Variants in MAML3 observed in about 807,000 individuals in gnomAD.
The protein encoded by MAML3 is mastermind-like protein 3.
MAML3 carries 27 observed loss-of-function variants against 101.9 expected under a neutral mutation model. The ratio of observed to expected loss-of-function variants is 0.27; its 90% confidence interval spans 0.20 to 0.37. MAML3 has a LOEUF of 0.37. Ranked by LOEUF, MAML3 falls within the 10% of genes least tolerant of loss-of-function variation. The pLI is 1.00. For missense variants in MAML3, 1,316 were observed against 1,444.9 expected, an observed-to-expected ratio of 0.91 and a Z score of 1.45; for synonymous variants, 501 against 555.9, an observed-to-expected ratio of 0.90 and a Z score of 1.39.
chr4:139,730,850 T>C (rs1282613301), intron 2 of MAML3, 183 bp from the exon 3 acceptor site: 1 of 610,408 alleles, frequency 1.6e-6, no homozygotes, highest in East Asian at 2.8e-5. Flanking sequence ...CTGAGTAGAA[T>C]GAGAGAGGCC....
At chr4:139,938,004 T>C (rs1035069022) in intron 1 of MAML3, among the ~76,000 whole-genome samples, 1 of 152,222 alleles carries the variant, frequency 6.6e-6, no homozygotes, top group African/African-American at 2.4e-5. Context: ...AGTGGCTGTC[T>C]GCAAGGTAAA....
At chr4:140,104,378 TA>T (rs1307926818) in intron 1 of MAML3, among the ~76,000 whole-genome samples, 1 of 90,434 alleles carries the variant, frequency 1.1e-5, no homozygotes, top group African/African-American at 4.2e-5. Flanking sequence ...ATATATATAA[TA>T]TATATATATT....
chr4:139,945,517 C>A (rs1292247280), intron 1 of MAML3, among the ~76,000 whole-genome samples: 1 of 152,146 alleles, frequency 6.6e-6, no homozygotes, highest in Non-Finnish European at 1.5e-5. Flanking sequence ...GAAAACCAAA[C>A]CACAGACAAG....
At chr4:139,896,791 G>A (rs183471064) in intron 1 of MAML3, among the ~76,000 whole-genome samples, 67 of 152,294 alleles carry the variant, frequency 4.4e-4, no homozygotes, top group African/African-American at 1.4e-3. Context: ...CTTTCACACA[G>A]AATCATATTT....
intron 2 of MAML3, among the ~76,000 whole-genome samples, chr4:139,888,094 C>A (rs1732378618): frequency 6.6e-6 from 1 of 152,004 alleles, no homozygotes; most frequent in Non-Finnish European, 1.5e-5. Context: ...AGGCTGAGGA[C>A]AAGAATGAAG....
chr4:139,913,923 C>T (rs1033442087), intron 1 of MAML3, among the ~76,000 whole-genome samples: 1 of 152,154 alleles, frequency 6.6e-6, no homozygotes, highest in Non-Finnish European at 1.5e-5. Context: ...TAAAATTCAC[C>T]TTCATCCTAG....
At chr4:139,940,548 A>C (rs1733581507) in intron 1 of MAML3, among the ~76,000 whole-genome samples, 1 of 152,226 alleles carries the variant, frequency 6.6e-6, no homozygotes, top group Non-Finnish European at 1.5e-5. Flanking sequence ...GAAGGCATTC[A>C]ATAAACAGTA....
chr4:140,000,696 G>A lies in MAML3; in HGVS notation c.469-109729C>T, dbSNP rs938676250. Among the ~76,000 whole-genome samples, 3 of 152,268 alleles carry A rather than the reference G, an allele frequency of 2.0e-5. No homozygotes were observed. The East Asian group carries it at 5.8e-4, about 29-fold the overall frequency. On this transcript the variant is annotated intron_variant, in intron 1 of 4. Transcript: ENST00000509479. ...AAGATTGGCTCAATGATCTAGCTGT[G>A]TTAATAACACCCTCAATTGAAAAAG...
At chr4:140,048,033 G>A (rs1225911333) in intron 1 of MAML3, among the ~76,000 whole-genome samples, 2 of 152,036 alleles carry the variant, frequency 1.3e-5, no homozygotes, top group East Asian at 3.9e-4. Context: ...TCCTTTAAAT[G>A]TCCCTTTACG....
At chr4:140,117,244 A>G (rs1728531309) in intron 1 of MAML3, among the ~76,000 whole-genome samples, 1 of 152,100 alleles carries the variant, frequency 6.6e-6, no homozygotes, top group South Asian at 2.1e-4. Context: ...TGGGGTTCCT[A>G]ATTATATTGA....
chr4:139,923,153 C>T (rs2111236414), intron 1 of MAML3, among the ~76,000 whole-genome samples: 1 of 152,226 alleles, frequency 6.6e-6, no homozygotes, highest in African/African-American at 2.4e-5. Context: ...GGCCTTGTAC[C>T]CTAGACTTGA....
At position 139,911,968 on chromosome 4, in the gene MAML3, T is replaced by C. The variant is rs182425281; in HGVS notation, c.469-21001A>G. Among the ~76,000 whole-genome samples, 3 of 152,380 alleles carry C rather than the reference T, an allele frequency of 2.0e-5. No individual in the cohort carries two copies. In the East Asian group the frequency reaches 5.8e-4, roughly 29 times the overall value. On this transcript the variant is annotated intron_variant, in intron 1 of 4. Transcript: ENST00000509479. ...CACACTTGGTTTATCCATTCATTCATTGCCTCCACATTTTGGCTATTGTGA... is the reference window on the plus strand; with the variant it reads ...CACACTTGGTTTATCCATTCATTCACTGCCTCCACATTTTGGCTATTGTGA...
chr4:139,852,784 G>A (rs1257523431), intron 2 of MAML3, among the ~76,000 whole-genome samples: 2 of 152,040 alleles, frequency 1.3e-5, no homozygotes, highest in African/African-American at 4.8e-5. Context: ...TTCCAGGAAC[G>A]TCACATTTGC....
chr4:139,852,485 TCA>T, intron 2 of MAML3, among the ~76,000 whole-genome samples: 1 of 141,512 alleles, frequency 7.1e-6, no homozygotes, highest in Non-Finnish European at 1.5e-5. Context: ...AGATCTTGGC[TCA>T]CTGCAACCTC....
chr4:139,947,849 C>G (rs1332311952), intron 1 of MAML3, among the ~76,000 whole-genome samples: 2 of 152,136 alleles, frequency 1.3e-5, no homozygotes, highest in Non-Finnish European at 2.9e-5. Context: ...CTCCTGTAAT[C>G]CCAGCACTTT....
intron 2 of MAML3, among the ~76,000 whole-genome samples, chr4:139,783,436 A>C (rs1730250539): frequency 6.6e-6 from 1 of 152,244 alleles, no homozygotes; most frequent in Admixed American, 6.5e-5. Context: ...TGGCAGCAGC[A>C]GTGACTGCAG....
At chr4:140,122,153 T>G (rs560749965) in intron 1 of MAML3, among the ~76,000 whole-genome samples, 159 of 151,980 alleles carry the variant, frequency 1.0e-3, no homozygotes, top group African/African-American at 3.8e-3. Flanking sequence ...TGAGTGATTT[T>G]TTTTGAATAC....
intron 2 of MAML3, among the ~76,000 whole-genome samples, chr4:139,809,016 C>T (rs933539511): frequency 6.6e-6 from 1 of 152,122 alleles, no homozygotes. Context: ...CTCTTTGGAG[C>T]CTGAGAGGCT....
intron 1 of MAML3, among the ~76,000 whole-genome samples, chr4:140,011,652 G>A (rs532788038): frequency 1.3e-5 from 2 of 152,220 alleles, no homozygotes; most frequent in East Asian, 3.9e-4. Context: ...CCGTTTTCTT[G>A]TTTTTATGGG....
Sources: allele counts gnomAD v4.1 joint callset (sites outside exome capture counted in the v4.1 genomes callset), GRCh38; gene constraint gnomAD v4.1.1; transcripts MANE v1.5; gene names NCBI Gene and HGNC (gene_info 2026-07-23, HGNC 2026-07-21).